TBC1D5: variants seen among roughly 807,000 people sequenced by gnomAD.
TBC1D5 encodes TBC1 domain family, member 5.
In TBC1D5, 75 loss-of-function variants were observed where a neutral mutation model predicts 100.3. That is an observed-to-expected ratio of 0.75 (90% CI 0.62 to 0.91). The LOEUF (loss-of-function observed/expected upper bound fraction) is 0.91. Ranked by LOEUF, TBC1D5 falls within the 40% of genes least tolerant of loss-of-function variation. The pLI is 0.00. For synonymous variants in TBC1D5, 323 were observed against 325.6 expected (o/e 0.99, Z 0.09); for missense variants, 910 against 942.4 (o/e 0.97, Z 0.45).
chr3:17,477,439 C>A (rs1435382154), intron 3 of TBC1D5, among the ~76,000 whole-genome samples: 1 of 151,852 alleles, frequency 6.6e-6, no homozygotes, highest in Non-Finnish European at 1.5e-5. Flanking sequence ...AGAATTTTCT[C>A]TTTATGTTTT....
At chr3:17,680,547 C>T (rs1224749427) in intron 1 of TBC1D5, among the ~76,000 whole-genome samples, 1 of 151,224 alleles carries the variant, frequency 6.6e-6, no homozygotes, top group African/African-American at 2.5e-5. Context: ...TAATAAAAGG[C>T]TTTCCTATAT....
At chr3:17,511,785 C>T (rs572507825) in intron 2 of TBC1D5, among the ~76,000 whole-genome samples, 1 of 152,120 alleles carries the variant, frequency 6.6e-6, no homozygotes, top group South Asian at 2.1e-4. Flanking sequence ...TCTATATAAT[C>T]AAGCATCCAT....
chr3:17,383,688 C>A (rs191301601), intron 9 of TBC1D5, among the ~76,000 whole-genome samples: 1 of 152,128 alleles, frequency 6.6e-6, no homozygotes, highest in African/African-American at 2.4e-5. Context: ...AGATTGAACA[C>A]CTTCTAGAAG....
chr3:17,707,427 C>A (rs1347798223), intron 1 of TBC1D5, among the ~76,000 whole-genome samples: 1 of 151,976 alleles, frequency 6.6e-6, no homozygotes, highest in Non-Finnish European at 1.5e-5. Flanking sequence ...AGCAAAGTTC[C>A]TAGAATCACT....
intron 3 of TBC1D5, among the ~76,000 whole-genome samples, chr3:17,480,806 T>C (rs1313154377): frequency 6.6e-6 from 1 of 152,136 alleles, no homozygotes; most frequent in Non-Finnish European, 1.5e-5. Flanking sequence ...CCCACTCAGG[T>C]CTCCCGAGAG....
chr3:17,512,399 C>A (rs11928397), intron 2 of TBC1D5, among the ~76,000 whole-genome samples: 10,500 of 152,086 alleles, frequency 0.069, 714 homozygotes, highest in African/African-American at 0.18. Context: ...AAATTTGATT[C>A]CAAACTCCAA....
chr3:17,741,326 G>A (rs1337024977), upstream of TBC1D5, among the ~76,000 whole-genome samples: 7 of 152,314 alleles, frequency 4.6e-5, no homozygotes, highest in Middle Eastern at 3.4e-3. Context: ...TGAATTCAGA[G>A]ATATGGTATG....
At chr3:17,181,264 G>A (rs960565507) in intron 19 of TBC1D5, among the ~76,000 whole-genome samples, 3 of 152,220 alleles carry the variant, frequency 2.0e-5, no homozygotes, top group African/African-American at 7.2e-5. Flanking sequence ...ACTGGGAAAT[G>A]TGGTACTAGT....
chr3:17,202,790 G>A lies in TBC1D5; in HGVS notation c.1752+11417C>T, dbSNP rs188693522. 7.6e-4 allele frequency among the ~76,000 whole-genome samples: 116 copies of A among 152,346 alleles called. 2 individuals carry two copies. The East Asian group carries it at 0.012, about 15-fold the overall frequency. On this transcript the variant is annotated intron_variant, in intron 18 of 21. Coordinates refer to ENST00000253692, the Ensembl canonical transcript of TBC1D5. Reference sequence around the variant, plus strand: ...ACATAGTGTTAAGCCTGTGGGTGTTGAGAGGACAAGAGTTGAGGCTTGGGA... The same window carrying A: ...ACATAGTGTTAAGCCTGTGGGTGTTAAGAGGACAAGAGTTGAGGCTTGGGA...
At chr3:17,170,034 C>T (rs761001683) in intron 19 of TBC1D5, among the ~76,000 whole-genome samples, 2 of 152,200 alleles carry the variant, frequency 1.3e-5, no homozygotes, top group African/African-American at 2.4e-5. Context: ...CGCTGGCTCA[C>T]GTGCCCCTCA....
chr3:17,428,045 C>T (rs2094373792), intron 4 of TBC1D5, among the ~76,000 whole-genome samples: 1 of 151,766 alleles, frequency 6.6e-6, no homozygotes, highest in Admixed American at 6.6e-5. Flanking sequence ...ATTTTAAGCT[C>T]TCTTAGGCGC....
chr3:17,435,501 A>G (rs2094519537), intron 3 of TBC1D5, among the ~76,000 whole-genome samples: 2 of 152,228 alleles, frequency 1.3e-5, no homozygotes, highest in Non-Finnish European at 2.9e-5. Flanking sequence ...AATGCCAATT[A>G]AAAGGGGGAA....
chr3:17,348,687 A>G (rs1559690861), intron 13 of TBC1D5, among the ~76,000 whole-genome samples: 1 of 152,158 alleles, frequency 6.6e-6, no homozygotes, highest in Admixed American at 6.6e-5. Flanking sequence ...AACGCACTAA[A>G]TTCTAATAAT....
chr3:17,403,738 T>C (rs1240337679), intron 7 of TBC1D5, among the ~76,000 whole-genome samples: 1 of 152,168 alleles, frequency 6.6e-6, no homozygotes, highest in Admixed American at 6.6e-5. Flanking sequence ...CATCTGCAGA[T>C]TGTAGTGCCC....
chr3:17,225,322 C>G (rs552258489), intron 17 of TBC1D5, among the ~76,000 whole-genome samples: 3 of 151,422 alleles, frequency 2.0e-5, no homozygotes, highest in Admixed American at 2.0e-4. Context: ...GCCTGTAATC[C>G]CAGCTATTCA....
At chr3:17,495,096 C>T (rs1193395715) in intron 3 of TBC1D5, among the ~76,000 whole-genome samples, 4 of 152,224 alleles carry the variant, frequency 2.6e-5, no homozygotes, top group Non-Finnish European at 5.9e-5. Context: ...ATGCCAACTG[C>T]CTAGTCAGTT....
chr3:17,494,821 C>T (rs893377968), intron 3 of TBC1D5, among the ~76,000 whole-genome samples: 1 of 152,236 alleles, frequency 6.6e-6, no homozygotes, highest in African/African-American at 2.4e-5. Context: ...CAGTCTCCAG[C>T]CTGCTGCTAG....
chr3:17,431,035 T>C (rs927682202), intron 3 of TBC1D5, among the ~76,000 whole-genome samples: 1 of 151,960 alleles, frequency 6.6e-6, no homozygotes, highest in East Asian at 1.9e-4. Context: ...GTTACTTTAC[T>C]ACTGAATCTA....
At chr3:17,284,089 T>TACACAC (rs58307801) in intron 15 of TBC1D5, among the ~76,000 whole-genome samples, 3,024 of 132,784 alleles carry the variant, frequency 0.023, 56 homozygotes, top group East Asian at 0.029. Flanking sequence ...CTCATTATTT[T>TACACAC]ACACACACAC....
Sources: allele counts gnomAD v4.1 joint callset (sites outside exome capture counted in the v4.1 genomes callset), GRCh38; gene constraint gnomAD v4.1.1; transcripts MANE v1.5; gene names NCBI Gene and HGNC (gene_info 2026-07-23, HGNC 2026-07-21).